The following SPATA9 variants were observed in gnomAD, a reference collection of about 807,000 sequenced individuals.
SPATA9 encodes spermatogenesis associated 9.
A neutral mutation model predicts 25.5 loss-of-function variants in SPATA9; 27 were observed. The observed-to-expected ratio is 1.06, with a 90% CI of 0.78 to 1.46. The LOEUF (loss-of-function observed/expected upper bound fraction) is 1.46. Ranked by LOEUF, SPATA9 falls within the 40% of genes most tolerant of loss-of-function variation. SPATA9 has a pLI of 0.00. For synonymous variants in SPATA9, 102 were observed against 105.7 expected (o/e 0.97, Z 0.21); for missense variants, 282 against 297.5 (o/e 0.95, Z 0.38).
chr5:95,702,906 A>T (rs1246370547), upstream of SPATA9, among the ~76,000 whole-genome samples: 1 of 152,206 alleles, frequency 6.6e-6, no homozygotes, highest in Non-Finnish European at 1.5e-5. Flanking sequence ...AAAAAGAAAG[A>T]GAGCAAAAAC....
At chr5:95,718,194 G>C in the SPATA9 span, among the ~76,000 whole-genome samples, 1 of 152,068 alleles carries the variant, frequency 6.6e-6, no homozygotes, top group Non-Finnish European at 1.5e-5. Flanking sequence ...GCTTCTAGCC[G>C]TATGGGGAAG....
At chr5:95,678,944 G>A (rs938771012) in intron 2 of SPATA9, among the ~76,000 whole-genome samples, 1 of 152,188 alleles carries the variant, frequency 6.6e-6, no homozygotes, top group Non-Finnish European at 1.5e-5. Context: ...TTTTGAAAAT[G>A]AGAAATAAAG....
chr5:95,670,537 G>A (rs1362764416), intron 3 of SPATA9: 2 of 152,188 alleles, frequency 1.3e-5, no homozygotes, highest in Non-Finnish European at 2.9e-5. Context: ...CCTTCTTACA[G>A]CTAAGTTTTC....
downstream of SPATA9, among the ~76,000 whole-genome samples, chr5:95,653,401 A>G (rs1048031809): frequency 3.9e-5 from 6 of 152,262 alleles, no homozygotes; most frequent in Non-Finnish European, 8.8e-5. Flanking sequence ...CAATGCAGAT[A>G]ACTGAATGTT....
At chr5:95,720,783 CA>C in the SPATA9 span, among the ~76,000 whole-genome samples, 1 of 152,286 alleles carries the variant, frequency 6.6e-6, no homozygotes, top group South Asian at 2.1e-4. Context: ...ACATAATAAT[CA>C]GTAAAAACAG....
chr5:95,677,684 A>T (rs1217215582), intron 2 of SPATA9, among the ~76,000 whole-genome samples: 1 of 152,138 alleles, frequency 6.6e-6, no homozygotes, highest in Non-Finnish European at 1.5e-5. Context: ...AGGGCATAAA[A>T]CTCCAAAATT....
chr5:95,690,627 A>G (rs888588216), intron 1 of SPATA9, among the ~76,000 whole-genome samples: 2 of 152,196 alleles, frequency 1.3e-5, no homozygotes, highest in African/African-American at 2.4e-5. Context: ...CATCACTAAT[A>G]TGGGACAAAC....
chr5:95,653,062 C>T, exon 9 of SPATA9: 3 of 1,546,784 alleles, frequency 1.9e-6, no homozygotes, highest in Non-Finnish European at 2.6e-6. Flanking sequence ...TCTTCTGGAA[C>T]ACATTCACCA....
the SPATA9 span, among the ~76,000 whole-genome samples, chr5:95,720,605 C>G: frequency 2.6e-5 from 4 of 151,350 alleles, no homozygotes; most frequent in Non-Finnish European, 5.9e-5. Flanking sequence ...TGTGCTGAAA[C>G]AAAATGAAGC....
upstream of SPATA9, among the ~76,000 whole-genome samples, chr5:95,700,448 C>T (rs376948776): frequency 6.9e-4 from 105 of 152,140 alleles, no homozygotes; most frequent in Middle Eastern, 6.8e-3. Flanking sequence ...TACAGGCACG[C>T]GCCACCATGG....
intron 1 of SPATA9, among the ~76,000 whole-genome samples, chr5:95,690,149 T>C (rs1419134720): frequency 6.6e-6 from 1 of 151,970 alleles, no homozygotes; most frequent in African/African-American, 2.4e-5. Context: ...TTTACCTATA[T>C]AGCAAACCTA....
intron 4 of SPATA9, among the ~76,000 whole-genome samples, chr5:95,660,732 T>C (rs935010401): frequency 2.0e-5 from 3 of 152,166 alleles, no homozygotes; most frequent in Non-Finnish European, 1.5e-5. Flanking sequence ...CTAACCACCT[T>C]TTTCCCAGTC....
chr5:95,700,534 G>A (rs1435926226), upstream of SPATA9, among the ~76,000 whole-genome samples: 2 of 152,084 alleles, frequency 1.3e-5, no homozygotes, highest in East Asian at 3.8e-4. Flanking sequence ...TCCTGACCTC[G>A]TGATATGCCC....
upstream of SPATA9, among the ~76,000 whole-genome samples, chr5:95,687,398 T>G (rs1753775860): frequency 6.6e-6 from 1 of 152,216 alleles, no homozygotes; most frequent in African/African-American, 2.4e-5. Context: ...GCCTTTTGTG[T>G]GTAAATAGGA....
upstream of SPATA9, among the ~76,000 whole-genome samples, chr5:95,683,985 T>A (rs1753652243): frequency 6.6e-6 from 1 of 152,098 alleles, no homozygotes; most frequent in Non-Finnish European, 1.5e-5. Flanking sequence ...ATGGGAACAG[T>A]TTGGGAAAGA....
At chr5:95,726,568 T>A in the SPATA9 span, among the ~76,000 whole-genome samples, 4 of 152,354 alleles carry the variant, frequency 2.6e-5, no homozygotes, top group East Asian at 7.7e-4. Context: ...CTTAAAACAG[T>A]GTTCTTTATA....
At chr5:95,717,182 G>A in the SPATA9 span, 1 of 152,150 alleles carries the variant, frequency 6.6e-6, no homozygotes, top group African/African-American at 2.4e-5. Context: ...CAAATCAGCC[G>A]AAGGCCTTAA....
chr5:95,684,865 G>A (rs1457988450), upstream of SPATA9: 1 of 152,018 alleles, frequency 6.6e-6, no homozygotes, highest in Non-Finnish European at 1.5e-5. Context: ...AATAAACTAG[G>A]AAACAATTAA....
chr5:95,708,716 G>C, the SPATA9 span: 1 of 685,858 alleles, frequency 1.5e-6, no homozygotes, highest in Non-Finnish European at 2.7e-6. Flanking sequence ...CCTATGACCG[G>C]TAAGTTGTGT....
Sources: allele counts gnomAD v4.1 joint callset (sites outside exome capture counted in the v4.1 genomes callset), GRCh38; gene constraint gnomAD v4.1.1; transcripts MANE v1.5; gene names NCBI Gene and HGNC (gene_info 2026-07-23, HGNC 2026-07-21).